Variants in LOC400499 observed in about 807,000 individuals in gnomAD.
At chr16:11,436,394 G>C in the LOC400499 span, among the ~76,000 whole-genome samples, 7 of 152,184 alleles carry the variant, frequency 4.6e-5, no homozygotes, top group South Asian at 1.5e-3. Context: ...GTCCCAACAA[G>C]GGTGCTGAAG....
chr16:11,478,029 G>A, the LOC400499 span: 5 of 397,218 alleles, frequency 1.3e-5, no homozygotes, highest in Non-Finnish European at 2.2e-5. Flanking sequence ...ATGATAAGCG[G>A]GGGCCGGGCT....
the LOC400499 span, among the ~76,000 whole-genome samples, chr16:11,373,926 C>G: frequency 6.6e-6 from 1 of 152,118 alleles, no homozygotes; most frequent in African/African-American, 2.4e-5. Flanking sequence ...GGCCGGGAAG[C>G]ACCCTTCTAG....
chr16:11,389,943 G>A, the LOC400499 span, among the ~76,000 whole-genome samples: 5 of 152,332 alleles, frequency 3.3e-5, no homozygotes, highest in South Asian at 2.1e-4. Flanking sequence ...TCTATGGAGT[G>A]AGGAAGAAAG....
At chr16:11,523,428 G>A in the LOC400499 span, 20 of 398,762 alleles carry the variant, frequency 5.0e-5, no homozygotes, top group East Asian at 1.4e-4. Flanking sequence ...ACCTGTGCAC[G>A]CAGTCATGCA....
At chr16:11,426,304 C>CAG in the LOC400499 span, among the ~76,000 whole-genome samples, 1 of 152,188 alleles carries the variant, frequency 6.6e-6, no homozygotes, top group South Asian at 2.1e-4. Flanking sequence ...GGTGTGGTGG[C>CAG]GCATGCCTGT....
chr16:11,434,795 G>C, the LOC400499 span, among the ~76,000 whole-genome samples: 1 of 152,164 alleles, frequency 6.6e-6, no homozygotes, highest in African/African-American at 2.4e-5. Context: ...AGTGGTCCCA[G>C]AGGCAGCCGT....
chr16:11,447,546 G>T, the LOC400499 span, among the ~76,000 whole-genome samples: 1 of 152,178 alleles, frequency 6.6e-6, no homozygotes, highest in African/African-American at 2.4e-5. Context: ...GGCTGTAGCT[G>T]ACTTATCTAA....
At chr16:11,432,151 A>G in the LOC400499 span, among the ~76,000 whole-genome samples, 2 of 152,328 alleles carry the variant, frequency 1.3e-5, no homozygotes, top group African/African-American at 4.8e-5. Flanking sequence ...TCCTCAGCCC[A>G]TGCACACATC....
chr16:11,446,645 G>A, the LOC400499 span: 1 of 1,535,842 alleles, frequency 6.5e-7, no homozygotes, highest in Non-Finnish European at 8.7e-7. Flanking sequence ...ACCTGGGAGG[G>A]ACAACCACAT....
the LOC400499 span, chr16:11,383,894 A>C: frequency 1.6e-6 from 2 of 1,232,120 alleles, no homozygotes; most frequent in East Asian, 3.2e-5. Context: ...ACCACCCGGA[A>C]GCAGTCCCTC....
At chr16:11,448,176 A>C in the LOC400499 span, 1 of 1,368,070 alleles carries the variant, frequency 7.3e-7, no homozygotes, top group Non-Finnish European at 9.7e-7. Context: ...CCTGCCCATC[A>C]CCCCCAGAAA....
At chr16:11,444,427 C>T in the LOC400499 span, among the ~76,000 whole-genome samples, 1 of 152,094 alleles carries the variant, frequency 6.6e-6, no homozygotes, top group African/African-American at 2.4e-5. Flanking sequence ...AGTCAGGGGT[C>T]AGCAACTACA....
At chr16:11,473,342 TAA>T in the LOC400499 span, among the ~76,000 whole-genome samples, 17 of 119,930 alleles carry the variant, frequency 1.4e-4, no homozygotes, top group Non-Finnish European at 1.2e-4. Flanking sequence ...AACCTTACTC[TAA>T]AAAAAAAAAA....
At chr16:11,475,870 G>A in the LOC400499 span, among the ~76,000 whole-genome samples, 5 of 152,188 alleles carry the variant, frequency 3.3e-5, no homozygotes, top group Admixed American at 6.6e-5. Flanking sequence ...GTGACACTCC[G>A]TGGGCACAGG....
the LOC400499 span, chr16:11,384,754 C>A: frequency 1.3e-6 from 1 of 753,762 alleles, no homozygotes. Context: ...AGGGCACACG[C>A]GCTGCCATGC....
the LOC400499 span, among the ~76,000 whole-genome samples, chr16:11,500,421 G>A: frequency 6.6e-6 from 1 of 152,072 alleles, no homozygotes; most frequent in East Asian, 1.9e-4. Flanking sequence ...TGAGGCAGAA[G>A]AATTGCTTGA....
the LOC400499 span, among the ~76,000 whole-genome samples, chr16:11,374,941 C>T: frequency 1.6e-4 from 24 of 152,196 alleles, no homozygotes; most frequent in Non-Finnish European, 2.9e-4. Context: ...CTCCGCCTCC[C>T]GGGTTCAAGT....
the LOC400499 span, chr16:11,399,348 G>T: frequency 7.4e-6 from 7 of 944,796 alleles, no homozygotes; most frequent in South Asian, 3.3e-4. Context: ...CAGCAGAGAA[G>T]TAAGTTGCCC....
At chr16:11,464,947 A>C in the LOC400499 span, among the ~76,000 whole-genome samples, 1 of 152,226 alleles carries the variant, frequency 6.6e-6, no homozygotes, top group Non-Finnish European at 1.5e-5. Context: ...TAGGAGGAAG[A>C]CAGCTCTCCC....
Sources: gnomAD v4.1 joint callset for allele counts (sites outside exome capture counted in the v4.1 genomes callset) on GRCh38, gnomAD v4.1.1 for gene constraint, MANE v1.5 for transcripts.